The following EDIL3 variants were observed in gnomAD, a reference collection of about 807,000 sequenced individuals.
The protein encoded by EDIL3 is EGF like and discoidin domains 3.
EDIL3 carries 37 observed loss-of-function variants against 67.4 expected under a neutral mutation model. The observed-to-expected ratio is 0.55, with a 90% CI of 0.42 to 0.72. EDIL3 has a LOEUF of 0.72. Among genes scored for constraint, EDIL3 ranks in the 30% least tolerant of loss-of-function variants. The pLI, the probability that EDIL3 is intolerant of heterozygous loss-of-function variation, is 0.00. For missense variants in EDIL3, 527 were observed against 586.3 expected (o/e 0.90, Z 1.04); for synonymous variants, 195 against 196.3 (o/e 0.99, Z 0.05).
intron 1 of EDIL3, among the ~76,000 whole-genome samples, chr5:84,291,100 A>G (rs1160716886): frequency 1.3e-5 from 2 of 152,206 alleles, no homozygotes; most frequent in African/African-American, 4.8e-5. Context: ...TGCCTGCCCA[A>G]CAGTGAGTTT....
chr5:84,229,986 A>G lies in EDIL3; in HGVS notation c.197-102T>C. 2.7e-6 allele frequency: 3 copies of G among 1,092,426 alleles called. No individual in the cohort carries two copies. The South Asian group carries it at 4.8e-5, about 17-fold the overall frequency. The allele number at this position is 1,092,426 out of a possible 1,614,324, so 67.7% of individuals were successfully genotyped here. Reference sequence around the variant, plus strand: ...AGAAAAAGAGATATTGAGATTGAACATAAATATATTTCACATTTCCAAACA... The same window carrying G: ...AGAAAAAGAGATATTGAGATTGAACGTAAATATATTTCACATTTCCAAACA... On this transcript the variant is annotated intron_variant, in intron 2 of 10. Transcript: ENST00000296591.
At chr5:84,041,350 C>G (rs1044768475) in intron 9 of EDIL3, among the ~76,000 whole-genome samples, 1 of 151,654 alleles carries the variant, frequency 6.6e-6, no homozygotes, top group African/African-American at 2.4e-5. Context: ...CCAGCCCATG[C>G]CACCAGCTGA....
rs1457728204 is a variant in EDIL3, at chr5:84,194,112, A to G, written c.227-13591T>C. ...TTATTTGGTCTGGAGAAGTAAAAGTAAAAACATGGAGAATGAAATACGTGA... is the reference window on the plus strand; with the variant it reads ...TTATTTGGTCTGGAGAAGTAAAAGTGAAAACATGGAGAATGAAATACGTGA... On this transcript the variant is annotated intron_variant, in intron 3 of 10. Transcript: ENST00000296591. Among the ~76,000 whole-genome samples the G allele has an allele frequency of 2.0e-5, 3 of 152,112 alleles. No homozygotes were observed. In the East Asian group the frequency reaches 5.8e-4, roughly 29 times the overall value.
chr5:84,209,276 A>G (rs1014535216), intron 3 of EDIL3, among the ~76,000 whole-genome samples: 8 of 152,124 alleles, frequency 5.3e-5, no homozygotes, highest in South Asian at 2.1e-4. Context: ...CCTAATGCTA[A>G]ATGACGAGTT....
intron 6 of EDIL3, among the ~76,000 whole-genome samples, chr5:84,086,050 T>G (rs748330958): frequency 5.9e-5 from 9 of 152,204 alleles, no homozygotes; most frequent in Non-Finnish European, 1.2e-4. Context: ...CAGGCTGCTG[T>G]GCTGGCAGTG....
intron 1 of EDIL3, among the ~76,000 whole-genome samples, chr5:84,270,460 T>A (rs550756577): frequency 1.4e-5 from 2 of 143,924 alleles, no homozygotes; most frequent in South Asian, 4.6e-4. Context: ...GTAAATTTAT[T>A]GATATTATTT....
At position 84,229,844 on chromosome 5, in the gene EDIL3, A is replaced by C. The variant is rs750157489; in HGVS notation, c.226+11T>G. 1.3e-6 allele frequency: 2 copies of C among 1,581,942 alleles called. No individual in the cohort carries two copies. The highest frequency in any genetic ancestry group is 1.7e-6 in the Non-Finnish European group (2 of 1,159,540). On this transcript the variant is annotated intron_variant, in intron 3 of 10. Transcript: ENST00000296591. ...TAAATAAGAATTATGTTTACAACAT[A>C]GGAACTTTACCTGCTGAAGTTGGTT...
chr5:84,379,014 G>A (rs781058898), intron 1 of EDIL3, among the ~76,000 whole-genome samples: 1 of 152,042 alleles, frequency 6.6e-6, no homozygotes, highest in Non-Finnish European at 1.5e-5. Context: ...CATATAACAA[G>A]GAAATGAGGG....
In EDIL3 at chr5:84,066,433, AG is replaced by A. The variant is rs1746641999; in HGVS notation, c.807+17del. 3.8e-6 allele frequency: 6 copies of A among 1,570,850 alleles called. No individual in the cohort carries two copies. The East Asian group carries it at 1.4e-4, about 36-fold the overall frequency. On this transcript the variant is annotated intron_variant, in intron 7 of 10. Transcript: ENST00000296591. ...ATGACATTTTTCTTTTAAATTAAGT[AG>A]GTTAAATTATTCTTACCATGTCTTC... is the stretch of plus-strand genomic sequence containing the variant.
intron 4 of EDIL3, among the ~76,000 whole-genome samples, chr5:84,141,942 T>TCG (rs1561443816): frequency 2.2e-5 from 3 of 136,630 alleles, no homozygotes; most frequent in Non-Finnish European, 3.1e-5. Flanking sequence ...TATATATATA[T>TCG]ATATACATAG....
At chr5:84,356,586 T>C (rs149812838) in intron 1 of EDIL3, among the ~76,000 whole-genome samples, 6 of 152,306 alleles carry the variant, frequency 3.9e-5, no homozygotes, top group African/African-American at 1.4e-4. Context: ...TGTAATTACA[T>C]TGAGCCCAGC....
At chr5:84,271,540 T>C (rs910570165) in intron 1 of EDIL3, among the ~76,000 whole-genome samples, 27 of 152,150 alleles carry the variant, frequency 1.8e-4, no homozygotes, top group African/African-American at 6.5e-4. Context: ...AAATGATTTA[T>C]GTGCCTTGGG....
At chr5:84,002,648 C>T (rs1390738904) in intron 9 of EDIL3, among the ~76,000 whole-genome samples, 1 of 152,080 alleles carries the variant, frequency 6.6e-6, no homozygotes, top group East Asian at 1.9e-4. Flanking sequence ...CAGTGAAATA[C>T]CTGAAAAAGA....
chr5:84,320,183 A>C (rs113379677), intron 1 of EDIL3, among the ~76,000 whole-genome samples: 79 of 151,650 alleles, frequency 5.2e-4, no homozygotes, highest in East Asian at 1.5e-3. Context: ...CCCCTCCCCC[A>C]AAAAAAATGT....
chr5:84,052,279 A>C (rs1746355114), intron 9 of EDIL3, among the ~76,000 whole-genome samples: 1 of 152,212 alleles, frequency 6.6e-6, no homozygotes, highest in South Asian at 2.1e-4. Flanking sequence ...TGTCACCATC[A>C]GGCCTGCCTT....
chr5:84,199,100 AG>A (rs1743778706), intron 3 of EDIL3, among the ~76,000 whole-genome samples: 1 of 152,042 alleles, frequency 6.6e-6, no homozygotes, highest in African/African-American at 2.4e-5. Context: ...CCCTTAAGAA[AG>A]AAATGTACAG....
chr5:84,074,599 T>G (rs1172208892), intron 6 of EDIL3, among the ~76,000 whole-genome samples: 1 of 151,596 alleles, frequency 6.6e-6, no homozygotes, highest in Non-Finnish European at 1.5e-5. Flanking sequence ...CATGAAAAAA[T>G]GCTCACCATC....
intron 1 of EDIL3, among the ~76,000 whole-genome samples, chr5:84,378,068 C>A (rs1052364442): frequency 6.6e-6 from 1 of 152,118 alleles, no homozygotes; most frequent in Non-Finnish European, 1.5e-5. Flanking sequence ...TTACAAAATT[C>A]AGTTTTGTGT....
intron 9 of EDIL3, among the ~76,000 whole-genome samples, chr5:84,051,304 C>A (rs1746333127): frequency 6.6e-6 from 1 of 152,016 alleles, no homozygotes; most frequent in Non-Finnish European, 1.5e-5. Flanking sequence ...ACACCAAAAC[C>A]CCATATGTCA....
Sources: gnomAD v4.1 joint callset for allele counts (sites outside exome capture counted in the v4.1 genomes callset) on GRCh38, gnomAD v4.1.1 for gene constraint, MANE v1.5 for transcripts, NCBI Gene and HGNC (gene_info 2026-07-23, HGNC 2026-07-21) for gene names.